Variants in PGK1 observed in about 807,000 individuals in gnomAD.
The protein encoded by PGK1 is PRP 2.
Under a neutral mutation model 26.9 loss-of-function variants are expected in PGK1, and 3 were observed. The observed-to-expected ratio is 0.11, with a 90% CI of 0.05 to 0.29. The LOEUF (loss-of-function observed/expected upper bound fraction) is 0.29, where lower values mean the gene tolerates loss of function less well. Ranked by LOEUF, PGK1 falls within the 10% of genes least tolerant of loss-of-function variation. The probability of loss-of-function intolerance (pLI) is 1.00; values close to 1 mark genes in which losing one functional copy is unlikely to be tolerated. For missense variants in PGK1, 270 were observed against 314.7 expected (o/e 0.86, Z 1.07); for synonymous variants, 125 against 115.3 (o/e 1.08, Z -0.54).
rs369753557 is a variant in PGK1, at chrX:78,125,457, G to T, written c.1213+32G>T. On this transcript the variant is annotated intron_variant, in intron 10 of 10. Transcript: ENST00000373316. Reference sequence around the variant, plus strand: ...GTCTTCTGTTTTTTGGCTTGTTTGGGATAAGGGTGGACTGTGCAGTGAGAG... The same window carrying T: ...GTCTTCTGTTTTTTGGCTTGTTTGGTATAAGGGTGGACTGTGCAGTGAGAG... 29 of 965,635 alleles carry T rather than the reference G, an allele frequency of 3.0e-5. No individual in the cohort carries two copies. In the Admixed American group the frequency reaches 6.2e-4, roughly 21 times the overall value. The allele number at this position is 965,635 out of a possible 1,213,427, so 79.6% of individuals were successfully genotyped here.
chrX:78,121,546 A>G (rs1281564539), intron 6 of PGK1, among the ~76,000 whole-genome samples: 3 of 112,181 alleles, frequency 2.7e-5, no homozygotes, highest in Non-Finnish European at 5.6e-5. Flanking sequence ...CCTTTTCACA[A>G]ATCCTAGCAT....
intron 4 of PGK1, among the ~76,000 whole-genome samples, chrX:78,116,923 G>A (rs2078329285): frequency 1.8e-5 from 2 of 111,520 alleles, no homozygotes; most frequent in Admixed American, 1.9e-4. Flanking sequence ...GTAGCCAGCA[G>A]CTTGAGTCAA....
intron 6 of PGK1, among the ~76,000 whole-genome samples, chrX:78,120,838 C>A (rs1174557336): frequency 2.7e-5 from 3 of 112,051 alleles, no homozygotes; most frequent in African/African-American, 9.8e-5. Context: ...TATACTTTCA[C>A]TTACATAGGT....
intron 6 of PGK1, among the ~76,000 whole-genome samples, chrX:78,122,429 G>GTT (rs1327338234): frequency 3.3e-4 from 35 of 106,412 alleles, no homozygotes; most frequent in African/African-American, 1.2e-3. Flanking sequence ...GTGTGTGTGT[G>GTT]TGTGTGTGTG....
intron 1 of PGK1, among the ~76,000 whole-genome samples, chrX:78,107,179 G>A (rs2078276366): frequency 9.0e-6 from 1 of 111,386 alleles, no homozygotes. Flanking sequence ...TACAAAGTTA[G>A]AGAGGTCTTG....
Position 78,128,748 on chromosome X carries a change from TTTC to T in PGK1, c.*2922_*2924del, listed in dbSNP as rs199618568. The T allele has an allele frequency of 0.056, 6,235 of 111,443 alleles. 287 individuals carry two copies. Among genetic ancestry groups the T allele is most frequent in the East Asian group, 0.37 (1,282 of 3,445 alleles). 9.2% of individuals were successfully genotyped at this position (111,443 alleles called of 1,213,427 possible). Reference sequence around the variant, plus strand: ...GTTCTTTAGCTCAGTGTTTTCCTGTTTTCTTCATTTCCAAAATTTCCCTCTAGC... The same window carrying T: ...GTTCTTTAGCTCAGTGTTTTCCTGTTTTCATTTCCAAAATTTCCCTCTAGC... On this transcript the variant is annotated 3_prime_UTR_variant, in exon 11 of 11. Coordinates refer to ENST00000373316, the MANE Select transcript of PGK1 (RefSeq NM_000291.4).
Position 78,104,274 on chromosome X carries a change from C to G in PGK1, c.-67C>G. The stretch of plus-strand genomic sequence containing the variant: ...TTCCGCATTCTGCAAGCCTCCGGAG[C>G]GCACGTCGGCAGTCGGCTCCCTCGT... On this transcript the variant is annotated 5_prime_UTR_variant, in exon 1 of 11. Coordinates refer to ENST00000373316, the MANE Select transcript of PGK1 (RefSeq NM_000291.4). The G allele has an allele frequency of 1.8e-5, 15 of 818,557 alleles. No individual in the cohort carries two copies. In the South Asian group the frequency reaches 1.9e-4, roughly 10 times the overall value. The allele number at this position is 818,557 out of a possible 1,213,427, so 67.5% of individuals were successfully genotyped here. A position where few individuals can be genotyped will look rare whatever the true frequency, so the allele number is the denominator to read the frequency against.
rs201238498 is a variant in PGK1, at chrX:78,123,367, G to A, written c.929G>A (p.Gly310Asp). 1.2e-5 allele frequency: 14 copies of A among 1,202,613 alleles called. No individual in the cohort carries two copies. The highest frequency in any genetic ancestry group is 1.6e-5 in the Non-Finnish European group (14 of 888,776). Residue 310 changes from glycine to aspartate, a missense_variant, in exon 8 of 11, where the codon GGC (glycine) becomes GAC (aspartate). By Grantham distance (94) the Gly-to-Asp change is moderately conservative. Transcript: ENST00000373316. ...QATVASGIPAGWMGLDCGPES... is the reference protein window; with the variant it reads ...QATVASGIPADWMGLDCGPES... ...ACTGTGGCTTCTGGCATACCTGCTGGCTGGATGGTGAGTCACTTGAGTGGG... is the reference window on the plus strand; with the variant it reads ...ACTGTGGCTTCTGGCATACCTGCTGACTGGATGGTGAGTCACTTGAGTGGG...
chrX:78,109,285 C>T (rs1414321372), intron 1 of PGK1, among the ~76,000 whole-genome samples: 1 of 111,263 alleles, frequency 9.0e-6, no homozygotes, highest in African/African-American at 3.3e-5. Flanking sequence ...AGGCTTTCTC[C>T]AAAAAGAATG....
chrX:78,117,687 T>A (rs1365833098), intron 5 of PGK1, among the ~76,000 whole-genome samples: 1 of 112,648 alleles, frequency 8.9e-6, no homozygotes, highest in African/African-American at 3.2e-5. Context: ...GTTATCCTTT[T>A]ATGAACGTTA....
intron 4 of PGK1, among the ~76,000 whole-genome samples, 181 bp downstream of exon 4, chrX:78,114,341 C>A (rs782303502): frequency 8.9e-6 from 1 of 111,950 alleles, no homozygotes; most frequent in South Asian, 3.7e-4. Flanking sequence ...CCACCCAGGT[C>A]AAGGAATAGA....
intron 2 of PGK1, among the ~76,000 whole-genome samples, chrX:78,112,940 A>G (rs1167839625): frequency 1.8e-5 from 2 of 111,849 alleles, no homozygotes; most frequent in Non-Finnish European, 3.8e-5. Context: ...CATGCTAGAG[A>G]CTCAGATCCC....
At chrX:78,124,306 T>G (rs781871341) in intron 8 of PGK1, among the ~76,000 whole-genome samples, 30 of 111,790 alleles carry the variant, frequency 2.7e-4, no homozygotes, top group African/African-American at 9.4e-4. Flanking sequence ...AAATGCAAGT[T>G]CTTGGGTCCC....
chrX:78,104,832 A>G (rs2078262130), intron 1 of PGK1, among the ~76,000 whole-genome samples: 1 of 111,305 alleles, frequency 9.0e-6, no homozygotes, highest in Non-Finnish European at 1.9e-5. Context: ...CAAATGAGAA[A>G]CGGCCCACAT....
At chrX:78,104,909 C>T (rs782270176) in intron 1 of PGK1, among the ~76,000 whole-genome samples, 206 of 111,568 alleles carry the variant, frequency 1.8e-3, no homozygotes, top group Non-Finnish European at 3.2e-3. Flanking sequence ...GGAGTAGACC[C>T]CCCCGCCCCC....
Position 78,114,939 on chromosome X carries a change from T to C in PGK1, c.417+779T>C, listed in dbSNP as rs781883113. Among the ~76,000 whole-genome samples the C allele has an allele frequency of 6.2e-5, 7 of 112,319 alleles. No homozygotes were observed. In the South Asian group the frequency reaches 2.2e-3, roughly 36 times the overall value. ...AAGCTGAAGGCATTTTTTAGTACTTTCCACTATTCTGGTCTTTAGTATCTC... is the reference window on the plus strand; with the variant it reads ...AAGCTGAAGGCATTTTTTAGTACTTCCCACTATTCTGGTCTTTAGTATCTC... On this transcript the variant is annotated intron_variant, in intron 4 of 10. Coordinates refer to ENST00000373316, the MANE Select transcript of PGK1 (RefSeq NM_000291.4).
chrX:78,125,521 T>G, intron 10 of PGK1, 96 bp downstream of exon 10: 1 of 610,773 alleles, frequency 1.6e-6, no homozygotes, highest in Non-Finnish European at 2.8e-6. Context: ...AAGGTAGTGT[T>G]GTCATTAGCA....
intron 4 of PGK1, among the ~76,000 whole-genome samples, chrX:78,115,860 T>C (rs1411119419): frequency 9.0e-6 from 1 of 111,356 alleles, no homozygotes; most frequent in Non-Finnish European, 1.9e-5. Context: ...CTTAAATATC[T>C]TTTTAAAGAG....
At chrX:78,118,662 G>T (rs1315419060) in intron 6 of PGK1, among the ~76,000 whole-genome samples, 2 of 111,418 alleles carry the variant, frequency 1.8e-5, no homozygotes, top group East Asian at 2.8e-4. Context: ...AAACCACAAA[G>T]GGACAGTACA....
Sources: gnomAD v4.1 joint callset for allele counts (sites outside exome capture counted in the v4.1 genomes callset) on GRCh38, gnomAD v4.1.1 for gene constraint, MANE v1.5 for transcripts, NCBI Gene and HGNC (gene_info 2026-07-23, HGNC 2026-07-21) for gene names.